The following NKAIN3 variants were observed in gnomAD, a reference collection of about 807,000 sequenced individuals.
NKAIN3 encodes the protein sodium/potassium transporting ATPase interacting 3.
In NKAIN3, 25 loss-of-function variants were observed where a neutral mutation model predicts 30.2. The ratio of observed to expected loss-of-function variants is 0.83; its 90% CI spans 0.60 to 1.16. NKAIN3 has a LOEUF of 1.16. Among genes scored for constraint, NKAIN3 ranks in the 50% most tolerant of loss-of-function variants. The pLI is 0.00. For synonymous variants in NKAIN3, 91 were observed against 89.6 expected, an observed-to-expected ratio of 1.02 and a Z score of -0.09; for missense variants, 225 against 254.1, an observed-to-expected ratio of 0.89 and a Z score of 0.78.
chr8:62,806,916 T>A (rs1029695028), intron 4 of NKAIN3, among the ~76,000 whole-genome samples: 4 of 152,106 alleles, frequency 2.6e-5, no homozygotes, highest in Non-Finnish European at 4.4e-5. Context: ...AGGGGACTAA[T>A]TCCTGTCCTC....
chr8:62,359,924 A>G (rs1288703052), intron 1 of NKAIN3, among the ~76,000 whole-genome samples: 1 of 152,214 alleles, frequency 6.6e-6, no homozygotes, highest in East Asian at 1.9e-4. Flanking sequence ...CAAGGCTCTT[A>G]TTACATAAAC....
intron 4 of NKAIN3, among the ~76,000 whole-genome samples, chr8:62,793,170 T>G (rs1817753863): frequency 1.3e-5 from 2 of 151,930 alleles, no homozygotes; most frequent in South Asian, 4.2e-4. Flanking sequence ...AGTCAACGTT[T>G]TTCAGGTAGT....
intron 1 of NKAIN3, among the ~76,000 whole-genome samples, chr8:62,403,365 A>G (rs760439135): frequency 6.6e-6 from 1 of 152,218 alleles, no homozygotes; most frequent in Non-Finnish European, 1.5e-5. Flanking sequence ...AATAGCCAAG[A>G]CAATGGGGAA....
chr8:62,928,626 C>G (rs987264601), intron 5 of NKAIN3, among the ~76,000 whole-genome samples: 1 of 152,168 alleles, frequency 6.6e-6, no homozygotes, highest in Non-Finnish European at 1.5e-5. Flanking sequence ...AGATTGTATT[C>G]TAGACGAGGG....
intron 3 of NKAIN3, among the ~76,000 whole-genome samples, chr8:62,676,040 C>A (rs1430646077): frequency 2.0e-5 from 3 of 152,096 alleles, no homozygotes; most frequent in Non-Finnish European, 4.4e-5. Flanking sequence ...TCAAAAATTG[C>A]CTCTTACATG....
intron 1 of NKAIN3, among the ~76,000 whole-genome samples, chr8:62,386,953 G>A (rs1817446653): frequency 6.6e-6 from 1 of 152,118 alleles, no homozygotes; most frequent in Admixed American, 6.5e-5. Flanking sequence ...AAGAGAGAGA[G>A]AGAGAAATGA....
chr8:62,357,344 A>G lies in NKAIN3; in HGVS notation c.54+108217A>G, dbSNP rs187135879. 3.3e-5 allele frequency among the ~76,000 whole-genome samples: 5 copies of G among 150,596 alleles called. No homozygotes were observed. The East Asian group carries it at 8.0e-4, about 24-fold the overall frequency. On this transcript the variant is annotated intron_variant, in intron 1 of 6. Coordinates refer to ENST00000623646, the MANE Select transcript of NKAIN3 (RefSeq NM_001304533.3). ...TGAGGCAGGAGGACTACTTGAGCCCAAGAGTTTGAGGCTACAGAGAGATGG... is the reference window on the plus strand; with the variant it reads ...TGAGGCAGGAGGACTACTTGAGCCCGAGAGTTTGAGGCTACAGAGAGATGG...
chr8:62,959,232 G>C (rs2198690), intron 6 of NKAIN3, among the ~76,000 whole-genome samples: 17,653 of 152,102 alleles, frequency 0.12, 1,196 homozygotes, highest in East Asian at 0.25. Context: ...TTCACTGCCT[G>C]CTTTCTGTCT....
intron 3 of NKAIN3, among the ~76,000 whole-genome samples, chr8:62,680,454 A>G (rs929924501): frequency 1.3e-5 from 2 of 152,224 alleles, no homozygotes; most frequent in African/African-American, 4.8e-5. Context: ...AGTAAAAGAC[A>G]TCTTATAATT....
intron 3 of NKAIN3, among the ~76,000 whole-genome samples, chr8:62,616,000 G>T (rs1204804383): frequency 5.9e-5 from 9 of 152,000 alleles, no homozygotes; most frequent in African/African-American, 1.7e-4. Context: ...TTAACTTGGT[G>T]TTCTTGCTGA....
chr8:62,524,484 G>A (rs546774472), intron 1 of NKAIN3, among the ~76,000 whole-genome samples: 1 of 152,228 alleles, frequency 6.6e-6, no homozygotes, highest in South Asian at 2.1e-4. Context: ...CACATTGGCA[G>A]TAATAACTAA....
At chr8:62,879,357 C>G (rs6983664) in intron 4 of NKAIN3, among the ~76,000 whole-genome samples, 1 of 151,966 alleles carries the variant, frequency 6.6e-6, no homozygotes, top group Non-Finnish European at 1.5e-5. Flanking sequence ...TTTGATGGGG[C>G]TGTTTGTTTT....
chr8:62,729,817 G>T (rs925209851), intron 3 of NKAIN3, among the ~76,000 whole-genome samples: 1 of 152,098 alleles, frequency 6.6e-6, no homozygotes, highest in Non-Finnish European at 1.5e-5. Context: ...CATTTAGATG[G>T]CTTCCAATCT....
At chr8:62,998,033 A>AT (rs925529783) in intron 5 of NKAIN3, among the ~76,000 whole-genome samples, 1 of 152,020 alleles carries the variant, frequency 6.6e-6, no homozygotes, top group African/African-American at 2.4e-5. Flanking sequence ...AGCCCAGTAC[A>AT]TTTTTTCCAA....
At chr8:62,605,117 T>A (rs1207574577) in intron 3 of NKAIN3, among the ~76,000 whole-genome samples, 2 of 152,088 alleles carry the variant, frequency 1.3e-5, no homozygotes, top group Non-Finnish European at 2.9e-5. Flanking sequence ...TGACCCAAAC[T>A]TAGTGACTTA....
intron 1 of NKAIN3, among the ~76,000 whole-genome samples, chr8:62,295,254 C>T (rs74528982): frequency 1.0e-3 from 152 of 152,226 alleles, no homozygotes; most frequent in African/African-American, 3.5e-3. Flanking sequence ...TTATAGTAGA[C>T]CTCTGGTTCA....
chr8:62,576,511 A>G lies in NKAIN3; in HGVS notation c.55-3028A>G, dbSNP rs73255011. On this transcript the variant is annotated intron_variant, in intron 1 of 6. Coordinates refer to ENST00000623646, the MANE Select transcript of NKAIN3 (RefSeq NM_001304533.3). ...ACCGAATGCTTTCTATTTATGCTAC[A>G]TTACAATTTAGTGACTTCCTTCCAC... 6.1e-3 allele frequency among the ~76,000 whole-genome samples: 926 copies of G among 152,166 alleles called. 8 individuals carry two copies. The highest frequency in any genetic ancestry group is 0.021 in the African/African-American group (882 of 41,530).
At chr8:62,593,354 A>G (rs889363438) in intron 3 of NKAIN3, among the ~76,000 whole-genome samples, 2 of 152,012 alleles carry the variant, frequency 1.3e-5, no homozygotes, top group Non-Finnish European at 2.9e-5. Flanking sequence ...ATTAAAAAAA[A>G]ATCTTCTTTG....
chr8:62,446,136 A>G (rs1805478826), intron 1 of NKAIN3, among the ~76,000 whole-genome samples: 2 of 152,168 alleles, frequency 1.3e-5, no homozygotes, highest in Admixed American at 6.5e-5. Flanking sequence ...ATTCAACCTG[A>G]AGCCAAATAA....
Sources: gnomAD v4.1 joint callset for allele counts (sites outside exome capture counted in the v4.1 genomes callset) on GRCh38, gnomAD v4.1.1 for gene constraint, MANE v1.5 for transcripts, NCBI Gene and HGNC (gene_info 2026-07-23, HGNC 2026-07-21) for gene names.